Variants in CPN1 observed in about 807,000 individuals in gnomAD.
CPN1 encodes the protein carboxypeptidase N subunit 1.
CPN1 carries 37 observed loss-of-function variants against 46.4 expected under a neutral mutation model. The observed-to-expected ratio is 0.80, with a 90% CI of 0.61 to 1.05. The LOEUF (loss-of-function observed/expected upper bound fraction) is 1.05. Ranked by LOEUF, CPN1 falls within the 50% of genes least tolerant of loss-of-function variation. The probability of loss-of-function intolerance (pLI) is 0.00; values close to 1 mark genes in which losing one functional copy is unlikely to be tolerated. For synonymous variants in CPN1, 224 were observed against 235.4 expected (o/e 0.95, Z 0.44); for missense variants, 563 against 602.6 (o/e 0.93, Z 0.69).
At chr10:100,067,642 A>G (rs929191651) in intron 3 of CPN1, among the ~76,000 whole-genome samples, 1 of 152,226 alleles carries the variant, frequency 6.6e-6, no homozygotes, top group Non-Finnish European at 1.5e-5. Flanking sequence ...TATCCCACAC[A>G]GCGTGATCAC....
chr10:100,065,059 C>T (rs2041445201), intron 4 of CPN1, 129 bp downstream of exon 4: 1 of 1,131,762 alleles, frequency 8.8e-7, no homozygotes, highest in Non-Finnish European at 1.2e-6. Flanking sequence ...CTGTAAGCTC[C>T]TCACAAACAA....
chr10:100,051,690 G>A (rs1444801151), intron 7 of CPN1, among the ~76,000 whole-genome samples: 1 of 151,366 alleles, frequency 6.6e-6, no homozygotes, highest in Non-Finnish European at 1.5e-5. Context: ...ACCATGCCTG[G>A]CTAATTTTTT....
Position 100,069,723 on chromosome 10 carries a change from C to T in CPN1, c.567G>A (p.Trp189Ter), listed in dbSNP as rs372009412. The change falls in exon 3 of 9, where the codon TGG becomes TGA. Residue 189 changes from tryptophan (W) to a stop codon, truncating the protein, a stop_gained. Transcript: ENST00000370418. LOFTEE classifies it high-confidence loss of function. ...AAATTTCATCTCCTACCTGACTTTT[C>T]CAGTTGTCTGGAAGGGGCAGGTGGT... ...PNHHLPLPDN[W>*]KSQVEPETRA... 3.7e-5 allele frequency: 59 copies of T among 1,613,800 alleles called. No homozygotes were observed. Among genetic ancestry groups the T allele is most frequent in the Non-Finnish European group, 4.7e-5 (55 of 1,179,984 alleles).
intron 2 of CPN1, 87 bp downstream of exon 2, chr10:100,075,824 G>T (rs2041509982): frequency 1.1e-5 from 15 of 1,308,432 alleles, no homozygotes; most frequent in Middle Eastern, 2.5e-4. Flanking sequence ...GATATTTACA[G>T]TGGGACAGAG....
At chr10:100,055,351 C>CT (rs974514670) in intron 6 of CPN1, among the ~76,000 whole-genome samples, 3 of 147,290 alleles carry the variant, frequency 2.0e-5, no homozygotes, top group African/African-American at 7.5e-5. Context: ...CTCCATTATC[C>CT]CCCCCCCCAG....
chr10:100,050,178 C>G (rs1002509496), intron 7 of CPN1, among the ~76,000 whole-genome samples: 1 of 147,648 alleles, frequency 6.8e-6, no homozygotes, highest in African/African-American at 2.7e-5. Context: ...CATGGTGAAA[C>G]CCCCATCTCT....
chr10:100,080,116 G>A (rs537286110), intron 1 of CPN1, among the ~76,000 whole-genome samples: 2 of 151,176 alleles, frequency 1.3e-5, no homozygotes, highest in South Asian at 4.2e-4. Flanking sequence ...TTAGAAACCA[G>A]TTGGGAGTTC....
chr10:100,071,096 T>C (rs1357197043), intron 2 of CPN1, among the ~76,000 whole-genome samples: 1 of 152,224 alleles, frequency 6.6e-6, no homozygotes, highest in Non-Finnish European at 1.5e-5. Context: ...TTCATGTATG[T>C]TGTAGCATGT....
intron 2 of CPN1, among the ~76,000 whole-genome samples, chr10:100,073,461 C>T (rs2041497158): frequency 6.6e-6 from 1 of 152,142 alleles, no homozygotes; most frequent in Non-Finnish European, 1.5e-5. Context: ...ACTGCTGTAA[C>T]AAATTACCCC....
chr10:100,064,106 C>A (rs1242953571), intron 4 of CPN1, among the ~76,000 whole-genome samples: 1 of 151,978 alleles, frequency 6.6e-6, no homozygotes, highest in Non-Finnish European at 1.5e-5. Flanking sequence ...CATTTTCTAG[C>A]CGAATTTTGT....
intron 7 of CPN1, among the ~76,000 whole-genome samples, chr10:100,052,894 G>A (rs1055341154): frequency 6.6e-6 from 1 of 152,014 alleles, no homozygotes; most frequent in Admixed American, 6.6e-5. Flanking sequence ...CTATTTGGGA[G>A]GCTGAGGCAG....
chr10:100,081,556 G>A lies in CPN1; in HGVS notation c.70C>T (p.Arg24Cys), dbSNP rs751823708. Residue 24 changes from arginine (R) to cysteine (C), a missense_variant, in exon 1 of 9, where the codon CGC becomes TGC. Arg to Cys is a radical substitution (Grantham distance 180). Transcript: ENST00000370418. Reference protein sequence around the residue: ...LFKLVAPVTFRHHRYDDLVRT... With the variant: ...LFKLVAPVTFCHHRYDDLVRT... The stretch of plus-strand genomic sequence containing the variant: ...ACAAGATCATCATAGCGGTGGTGGC[G>A]AAAGGTCACCGGGGCAACCAACTTG... 3.1e-6 allele frequency: 5 copies of A among 1,614,134 alleles called. No homozygotes were observed. Among genetic ancestry groups the A allele is most frequent in the South Asian group, 1.1e-5 (1 of 91,078 alleles).
chr10:100,078,673 T>C (rs1052625110), intron 1 of CPN1, among the ~76,000 whole-genome samples: 3 of 152,172 alleles, frequency 2.0e-5, no homozygotes, highest in African/African-American at 7.2e-5. Context: ...CCCATAAAAC[T>C]TCATTTACCA....
chr10:100,076,027 A>G lies in CPN1; in HGVS notation c.304T>C (p.Phe102Leu), dbSNP rs368820009. The G allele has an allele frequency of 1.2e-6, 2 of 1,613,000 alleles. No individual in the cohort carries two copies. Among genetic ancestry groups the G allele is most frequent in the Non-Finnish European group, 1.7e-6 (2 of 1,179,794 alleles). ...GRELMLQLSE[F>L]LCEEFRNRNQ... ...CTGTTCCGGAACTCCTCGCACAGAA[A>G]CTCCGACAGCTGCAGCATCAGCTCG... The change falls in exon 2 of 9, where the codon TTT (phenylalanine) becomes CTT (leucine). Residue 102 changes from phenylalanine (F) to leucine (L), a missense_variant. Transcript: ENST00000370418.
rs556178391 is a variant in CPN1, at chr10:100,068,813, A to G, written c.576+901T>C. ...CTCAGCTTCCCAAAGTGCTGGGATT[A>G]CAGGTGTGAGACACCACACCCAGCC... is the stretch of plus-strand genomic sequence containing the variant. On this transcript the variant is annotated intron_variant, in intron 3 of 8. Coordinates refer to ENST00000370418, the MANE Select transcript of CPN1 (RefSeq NM_001308.3). 2.6e-5 allele frequency among the ~76,000 whole-genome samples: 4 copies of G among 152,316 alleles called. No homozygotes were observed. In the East Asian group the frequency reaches 7.7e-4, roughly 29 times the overall value.
At chr10:100,065,798 C>A (rs1221377503) in intron 3 of CPN1, among the ~76,000 whole-genome samples, 1 of 151,370 alleles carries the variant, frequency 6.6e-6, no homozygotes, top group Admixed American at 6.6e-5. Flanking sequence ...GTGATAAACA[C>A]ACCCCTCTGG....
intron 8 of CPN1, 42 bp downstream of exon 8, chr10:100,048,716 A>G: frequency 6.6e-6 from 9 of 1,367,200 alleles, no homozygotes; most frequent in Non-Finnish European, 9.4e-6. Context: ...AAGACTGTAT[A>G]AGTGATCTCT....
intron 7 of CPN1, among the ~76,000 whole-genome samples, 167 bp from the exon 8 acceptor site, chr10:100,049,043 C>G (rs2041334514): frequency 6.6e-6 from 1 of 152,172 alleles, no homozygotes; most frequent in Non-Finnish European, 1.5e-5. Context: ...ACTGCAACCT[C>G]TGCCTCTCAG....
chr10:100,046,704 C>T (rs1433952195), intron 8 of CPN1, among the ~76,000 whole-genome samples: 3 of 151,210 alleles, frequency 2.0e-5, no homozygotes, highest in Non-Finnish European at 4.4e-5. Flanking sequence ...ACCCGGGAGG[C>T]GGAGGTTGCA....
Sources: gnomAD v4.1 joint callset for allele counts (sites outside exome capture counted in the v4.1 genomes callset) on GRCh38, gnomAD v4.1.1 for gene constraint, MANE v1.5 for transcripts, NCBI Gene and HGNC (gene_info 2026-07-23, HGNC 2026-07-21) for gene names.